The following IL16 variants were observed in gnomAD, a reference collection of about 807,000 sequenced individuals.
IL16 encodes the protein pro-interleukin-16.
In IL16, 67 loss-of-function variants were observed where a neutral mutation model predicts 110.1. The observed-to-expected ratio is 0.61, with a 90% CI of 0.50 to 0.75. IL16 has a LOEUF of 0.75. Among genes scored for constraint, IL16 ranks in the 30% least tolerant of loss-of-function variants. The pLI, the probability that IL16 is intolerant of heterozygous loss-of-function variation, is 0.00. For synonymous variants in IL16, 689 were observed against 662.9 expected (o/e 1.04, Z -0.61); for missense variants, 1,545 against 1,655.0 (o/e 0.93, Z 1.15).
At chr15:81,260,230 C>A (rs928078725) in intron 3 of IL16, among the ~76,000 whole-genome samples, 2 of 152,090 alleles carry the variant, frequency 1.3e-5, no homozygotes, top group East Asian at 3.8e-4. Context: ...TTTTTATTAG[C>A]TGAAAATAGA....
In IL16 at chr15:81,290,437, G is replaced by T; in HGVS notation, c.1333-16G>T. The T allele has an allele frequency of 6.3e-7, 1 of 1,596,820 alleles. No homozygotes were observed. Among genetic ancestry groups the T allele is most frequent in the South Asian group, 1.1e-5 (1 of 89,398 alleles). On this transcript the variant is annotated splice_polypyrimidine_tract_variant and intron_variant, in intron 10 of 18. Coordinates refer to ENST00000683961, the MANE Select transcript of IL16 (RefSeq NM_172217.5). Reference sequence around the variant, plus strand: ...GCTTCTACTGTTTGTTTGAGGAGATGACTGATATTTTCTAGGTCTCTGAAC... The same window carrying T: ...GCTTCTACTGTTTGTTTGAGGAGATTACTGATATTTTCTAGGTCTCTGAAC...
Position 81,313,314 on chromosome 15 carries a change from C to A in IL16, c.*4516C>A, listed in dbSNP as rs183582044. On this transcript the variant is annotated 3_prime_UTR_variant, in exon 19 of 19. Coordinates refer to ENST00000683961, the MANE Select transcript of IL16 (RefSeq NM_172217.5). ...GTTGGCATAAAACCGGGTCATGCTG[C>A]GGGGGAAGAAGGAGTCCACCACGTT... 2 of 1,577,416 alleles carry A rather than the reference C, an allele frequency of 1.3e-6. No homozygotes were observed. Among genetic ancestry groups the A allele is most frequent in the Non-Finnish European group, 1.7e-6 (2 of 1,162,284 alleles).
intron 8 of IL16, 136 bp from the exon 9 acceptor site, chr15:81,282,503 A>G (rs1899225417): frequency 1.4e-5 from 10 of 707,878 alleles, no homozygotes; most frequent in Non-Finnish European, 2.5e-5. Context: ...GCCTGCACAC[A>G]ACGACTACTC....
At chr15:81,299,252 G>A in intron 13 of IL16, 128 bp from the exon 14 acceptor site, 2 of 1,524,246 alleles carry the variant, frequency 1.3e-6, no homozygotes, top group Non-Finnish European at 1.8e-6. Context: ...ACCCACCTGG[G>A]TGTCCCCCAC....
intron 1 of IL16, among the ~76,000 whole-genome samples, chr15:81,187,249 C>T (rs1895432660): frequency 6.6e-6 from 1 of 152,116 alleles, no homozygotes; most frequent in Admixed American, 6.5e-5. Context: ...CTGTTCAGTT[C>T]ATTGTGAAAA....
chr15:81,269,711 T>A (rs1462667212), intron 5 of IL16, 63 bp downstream of exon 5: 2 of 1,189,858 alleles, frequency 1.7e-6, no homozygotes, highest in Non-Finnish European at 2.5e-6. Context: ...AAGGAGCTGC[T>A]GTGTCCAGGG....
chr15:81,240,203 T>G (rs1268383289), intron 2 of IL16, among the ~76,000 whole-genome samples: 6 of 152,194 alleles, frequency 3.9e-5, no homozygotes, highest in Non-Finnish European at 8.8e-5. Flanking sequence ...TCTCTGCTCT[T>G]GAGTTTTCCA....
At chr15:81,223,207 G>T (rs1043638861) in intron 1 of IL16, among the ~76,000 whole-genome samples, 1 of 152,164 alleles carries the variant, frequency 6.6e-6, no homozygotes, top group African/African-American at 2.4e-5. Flanking sequence ...TTCAGTGGCT[G>T]TAGGGAAAGG....
chr15:81,247,075 CCTTTTTTTTT>C (rs1567016908), intron 2 of IL16, among the ~76,000 whole-genome samples: 3 of 109,420 alleles, frequency 2.7e-5, no homozygotes, highest in African/African-American at 1.0e-4. Context: ...CTTTTCTTTT[CCTTTTTTTTT>C]TTTTTTTTTT....
intron 6 of IL16, among the ~76,000 whole-genome samples, 153 bp from the exon 7 acceptor site, chr15:81,278,664 G>A (rs12101752): frequency 0.031 from 4,737 of 152,286 alleles, 213 homozygotes; most frequent in African/African-American, 0.1. Flanking sequence ...TGCCTGCTTC[G>A]CAAGGGGAGA....
Position 81,293,054 on chromosome 15 carries a change from A to G in IL16, c.1902+17A>G. On this transcript the variant is annotated intron_variant, in intron 12 of 18. Transcript: ENST00000683961. The stretch of plus-strand genomic sequence containing the variant: ...TGTGGCCAGGTAAGAGGATGGGTCC[A>G]CAGGTTGAGTGTTTCCAGGACCAGA... 2 of 1,589,308 alleles carry G rather than the reference A, an allele frequency of 1.3e-6. No homozygotes were observed. Among genetic ancestry groups the G allele is most frequent in the Non-Finnish European group, 1.7e-6 (2 of 1,171,754 alleles).
chr15:81,302,475 T>TA (rs1338004373), intron 15 of IL16, among the ~76,000 whole-genome samples: 1 of 152,088 alleles, frequency 6.6e-6, no homozygotes, highest in Non-Finnish European at 1.5e-5. Context: ...GATACTTGGG[T>TA]AAAAGTTGAG....
intron 1 of IL16, among the ~76,000 whole-genome samples, chr15:81,190,652 G>A (rs1341743807): frequency 6.6e-6 from 1 of 152,150 alleles, no homozygotes; most frequent in African/African-American, 2.4e-5. Flanking sequence ...TGGTGAGCAG[G>A]CCTATGCAAA....
At chr15:81,258,950 A>G (rs890332675) in intron 2 of IL16, among the ~76,000 whole-genome samples, 2 of 152,076 alleles carry the variant, frequency 1.3e-5, no homozygotes, top group Non-Finnish European at 2.9e-5. Flanking sequence ...AATAATTAAT[A>G]CCGTCATCCT....
At position 81,303,021 on chromosome 15, in the gene IL16, G is replaced by GTGTGTGTGTGTT. The variant is rs2141624464; in HGVS notation, c.3319-517_3319-516insTTGTGTGTGTGT. On this transcript the variant is annotated intron_variant, in intron 15 of 18. Coordinates refer to ENST00000683961, the MANE Select transcript of IL16 (RefSeq NM_172217.5). The surrounding 1 kb of genome is among the most constrained non-coding windows in gnomAD (Gnocchi z 4.1). ...GCTAGGAAGTACCGTAGTAATGTGTGTGTGTGTGTGTGTGTGTGTGTGTCA... is the reference window on the plus strand; with the variant it reads ...GCTAGGAAGTACCGTAGTAATGTGTGTGTGTGTGTGTTTGTGTGTGTGTGTGTGTGTGTGTCA... Among the ~76,000 whole-genome samples the GTGTGTGTGTGTT allele has an allele frequency of 8.4e-6, 1 of 119,258 alleles. No homozygotes were observed. The highest frequency in any genetic ancestry group is 3.6e-5 in the African/African-American group (1 of 27,746). 78.2% of individuals were successfully genotyped at this position (119,258 alleles called of 152,430 possible).
intron 1 of IL16, chr15:81,183,012 A>C (rs1566985492): frequency 1.9e-6 from 1 of 537,824 alleles, no homozygotes; most frequent in Non-Finnish European, 3.2e-6. Flanking sequence ...CCCACTGTGT[A>C]GTATATGAGT....
chr15:81,188,802 T>A (rs1440909285), intron 1 of IL16, among the ~76,000 whole-genome samples: 1 of 151,712 alleles, frequency 6.6e-6, no homozygotes, highest in Non-Finnish European at 1.5e-5. Context: ...TCACAGCTAC[T>A]TAGCATCCAG....
chr15:81,229,357 G>A (rs1215003569), intron 2 of IL16, among the ~76,000 whole-genome samples: 1 of 152,100 alleles, frequency 6.6e-6, no homozygotes, highest in Non-Finnish European at 1.5e-5. Flanking sequence ...GGTGGTAAGA[G>A]GTGGGAATGG....
In IL16 at chr15:81,292,987, A is replaced by G. The variant is rs1257464037; in HGVS notation, c.1852A>G (p.Arg618Gly). 1 of 1,613,290 alleles carries G rather than the reference A, an allele frequency of 6.2e-7. No homozygotes were observed. Among genetic ancestry groups the G allele is most frequent in the African/African-American group, 1.3e-5 (1 of 75,044 alleles). Residue 618 changes from arginine (R) to glycine (G), a missense_variant, in exon 12 of 19, where the codon AGA (arginine) becomes GGA (glycine). Arg to Gly is a moderately radical substitution (Grantham distance 125). This residue lies in a region of IL16 where 1,185 missense variants were observed against 1,238.8 expected (regional missense o/e 0.96). Transcript: ENST00000683961. ...DSDPQKSLEERENSSCSSGHT... is the reference protein window; with the variant it reads ...DSDPQKSLEEGENSSCSSGHT... ...TGACCCTCAGAAGAGTCTGGAAGAG[A>G]GAGAGAACTCCTCATGCTCTTCTGG... is the stretch of plus-strand genomic sequence containing the variant.
Sources: allele counts gnomAD v4.1 joint callset (sites outside exome capture counted in the v4.1 genomes callset), GRCh38; gene constraint gnomAD v4.1.1; regional missense constraint gnomAD v4.1.1; non-coding constraint Gnocchi (gnomAD v3.1); transcripts MANE v1.5; gene names NCBI Gene and HGNC (gene_info 2026-07-23, HGNC 2026-07-21).